Variants in TEK observed in about 807,000 individuals in gnomAD.
TEK encodes angiopoietin-1 receptor.
In TEK, 43 loss-of-function variants were observed where a neutral mutation model predicts 131.8. The ratio of observed to expected loss-of-function variants is 0.33; its 90% CI spans 0.26 to 0.42. TEK has a LOEUF of 0.42. Among genes scored for constraint, TEK ranks in the 10% least tolerant of loss-of-function variants. The pLI, the probability that TEK is intolerant of heterozygous loss-of-function variation, is 1.00. For missense variants in TEK, 1,162 were observed against 1,384.4 expected, an observed-to-expected ratio of 0.84 and a Z score of 2.55; for synonymous variants, 580 against 491.6, an observed-to-expected ratio of 1.18 and a Z score of -2.38.
chr9:27,139,295 A>G lies in TEK; in HGVS notation c.53-18536A>G, dbSNP rs140043101. Among the ~76,000 whole-genome samples, 1,294 of 147,640 alleles carry G rather than the reference A, an allele frequency of 8.8e-3. 7 individuals carry two copies. The highest frequency in any genetic ancestry group is 0.013 in the Non-Finnish European group (889 of 67,026). ...ACTTTTGATTTTTTTCTGAGAATTA[A>G]TAATTATTTGGAAGACAGCTTTAAC... On this transcript the variant is annotated intron_variant, in intron 1 of 22. Transcript: ENST00000380036.
At chr9:27,188,981 A>G (rs913165146) in intron 9 of TEK, among the ~76,000 whole-genome samples, 2 of 152,190 alleles carry the variant, frequency 1.3e-5, no homozygotes, top group Admixed American at 1.3e-4. Flanking sequence ...CTGAGAAGAT[A>G]TTTGAGCAAA....
chr9:27,114,367 C>G (rs585340), intron 1 of TEK, among the ~76,000 whole-genome samples: 1 of 152,142 alleles, frequency 6.6e-6, no homozygotes, highest in Non-Finnish European at 1.5e-5. Context: ...GATCAGGAGT[C>G]CGAGACCAGC....
At chr9:27,160,981 T>C (rs1823524340) in intron 2 of TEK, among the ~76,000 whole-genome samples, 1 of 152,228 alleles carries the variant, frequency 6.6e-6, no homozygotes, top group South Asian at 2.1e-4. Context: ...TAAAGGAAGA[T>C]GATCTGAGAT....
intron 1 of TEK, among the ~76,000 whole-genome samples, chr9:27,115,315 G>A (rs1407375580): frequency 2.6e-5 from 4 of 151,916 alleles, no homozygotes; most frequent in African/African-American, 9.7e-5. Flanking sequence ...CCTGGGCAAC[G>A]TGGCAAAACC....
At chr9:27,146,416 C>T (rs1822920631) in intron 1 of TEK, among the ~76,000 whole-genome samples, 1 of 152,088 alleles carries the variant, frequency 6.6e-6, no homozygotes, top group Non-Finnish European at 1.5e-5. Context: ...CTTTTTTGTG[C>T]TGCCCCTTTG....
chr9:27,215,334 AAAG>A (rs1825780852), intron 18 of TEK, among the ~76,000 whole-genome samples: 1 of 152,148 alleles, frequency 6.6e-6, no homozygotes, highest in Non-Finnish European at 1.5e-5. Flanking sequence ...AAGGGGGAAG[AAAG>A]AAGGATTGGA....
At chr9:27,189,179 C>A (rs549742729) in intron 9 of TEK, among the ~76,000 whole-genome samples, 1 of 152,254 alleles carries the variant, frequency 6.6e-6, no homozygotes, top group South Asian at 2.1e-4. Context: ...AACTATAGAG[C>A]TCATTGGAAA....
At chr9:27,214,488 A>G (rs971006848) in intron 18 of TEK, among the ~76,000 whole-genome samples, 1 of 152,192 alleles carries the variant, frequency 6.6e-6, no homozygotes, top group African/African-American at 2.4e-5. Flanking sequence ...TGGGCACACC[A>G]AATTGTCTCT....
At chr9:27,181,339 T>G (rs938348079) in intron 7 of TEK, among the ~76,000 whole-genome samples, 1 of 152,174 alleles carries the variant, frequency 6.6e-6, no homozygotes, top group Non-Finnish European at 1.5e-5. Context: ...CAAATTATCC[T>G]AAATCTCCAA....
At chr9:27,121,922 A>C (rs1036400369) in intron 1 of TEK, among the ~76,000 whole-genome samples, 3 of 152,224 alleles carry the variant, frequency 2.0e-5, no homozygotes, top group Non-Finnish European at 4.4e-5. Context: ...GACATAAACA[A>C]AGTGAAACAG....
intron 1 of TEK, among the ~76,000 whole-genome samples, chr9:27,139,206 C>G (rs1481563922): frequency 2.3e-5 from 1 of 42,854 alleles, no homozygotes; most frequent in South Asian, 4.6e-4. Flanking sequence ...GAGCGAGACT[C>G]TGTCTCAAAA....
At chr9:27,188,883 G>C (rs1824700708) in intron 9 of TEK, among the ~76,000 whole-genome samples, 1 of 152,096 alleles carries the variant, frequency 6.6e-6, no homozygotes, top group Non-Finnish European at 1.5e-5. Flanking sequence ...GAGTGTCTTG[G>C]AGAAAATTAA....
chr9:27,173,943 C>A (rs1824067893), intron 6 of TEK, among the ~76,000 whole-genome samples: 2 of 148,430 alleles, frequency 1.3e-5, no homozygotes, highest in African/African-American at 2.5e-5. Context: ...AAAAAAAAAT[C>A]AAAATCAGAG....
chr9:27,129,728 G>T (rs1013070172), intron 1 of TEK, among the ~76,000 whole-genome samples: 1 of 152,100 alleles, frequency 6.6e-6, no homozygotes. Flanking sequence ...CCCTATCATT[G>T]CCTCTGCCTG....
intron 14 of TEK, 131 bp from the exon 15 acceptor site, chr9:27,206,451 T>C: frequency 1.8e-6 from 2 of 1,091,436 alleles, no homozygotes; most frequent in East Asian, 5.2e-5. Context: ...GAAAACCTAT[T>C]TCCCTTTCCA....
Position 27,223,425 on chromosome 9 carries a change from C to T in TEK, c.3200+3280C>T, listed in dbSNP as rs182182424. On this transcript the variant is annotated intron_variant, in intron 21 of 22. Coordinates refer to ENST00000380036, the MANE Select transcript of TEK (RefSeq NM_000459.5). ...ACGGAAATCATAACAGTTTCTTAGA[C>T]CACAGTGCAATCAAAGTAGAACTCA... is the stretch of plus-strand genomic sequence containing the variant. 7.2e-5 allele frequency among the ~76,000 whole-genome samples: 11 copies of T among 152,284 alleles called. No individual in the cohort carries two copies. The East Asian group carries it at 2.1e-3, about 29-fold the overall frequency.
At chr9:27,117,074 C>G (rs1053143163) in intron 1 of TEK, among the ~76,000 whole-genome samples, 75 of 151,666 alleles carry the variant, frequency 4.9e-4, no homozygotes, top group African/African-American at 1.7e-3. Context: ...ACTGTGTTAG[C>G]CAGGATGGTC....
At position 27,131,229 on chromosome 9, in the gene TEK, G is replaced by A. The variant is rs1474717444; in HGVS notation, c.52+21587G>A. Among the ~76,000 whole-genome samples, 3 of 151,692 alleles carry A rather than the reference G, an allele frequency of 2.0e-5. No homozygotes were observed. The East Asian group carries it at 5.9e-4, about 30-fold the overall frequency. On this transcript the variant is annotated intron_variant, in intron 1 of 22. Coordinates refer to ENST00000380036, the MANE Select transcript of TEK (RefSeq NM_000459.5). ...AGGCATGGTGGCTCATGCCTGTAAT[G>A]CCAACACTTTGGGAGGCCGAGGCTG...
rs1824987812 is a variant in TEK, at chr9:27,195,899, T to C, written c.1625-1416T>C. Among the ~76,000 whole-genome samples the C allele has an allele frequency of 2.0e-5, 3 of 152,348 alleles. No homozygotes were observed. In the South Asian group the frequency reaches 6.2e-4, roughly 32 times the overall value. ...CCTGTCTCTCTGATTTTAAAACCCA[T>C]ATTGTTTCTATTCAGTGATGTCTTG... On this transcript the variant is annotated intron_variant, in intron 11 of 22. Transcript: ENST00000380036.
Sources: gnomAD v4.1 joint callset for allele counts (sites outside exome capture counted in the v4.1 genomes callset) on GRCh38, gnomAD v4.1.1 for gene constraint, MANE v1.5 for transcripts, NCBI Gene and HGNC (gene_info 2026-07-23, HGNC 2026-07-21) for gene names.